Variants in GTF2E2 observed in about 807,000 individuals in gnomAD.
The protein encoded by GTF2E2 is transcription initiation factor IIE subunit beta.
In GTF2E2, 21 loss-of-function variants were observed where a neutral mutation model predicts 40.5. The observed-to-expected ratio is 0.52, with a 90% CI of 0.37 to 0.75. The LOEUF (loss-of-function observed/expected upper bound fraction) is 0.75, where lower values mean the gene tolerates loss of function less well. Ranked by LOEUF, GTF2E2 falls within the 30% of genes least tolerant of loss-of-function variation. The pLI, the probability that GTF2E2 is intolerant of heterozygous loss-of-function variation, is 0.00. For missense variants in GTF2E2, 298 were observed against 338.4 expected, an observed-to-expected ratio of 0.88 and a Z score of 0.94; for synonymous variants, 117 against 121.6, an observed-to-expected ratio of 0.96 and a Z score of 0.25.
At chr8:30,638,710 G>C (rs1801696172) in intron 2 of GTF2E2, 1 of 152,508 alleles carries the variant, frequency 6.6e-6, no homozygotes, top group Admixed American at 6.5e-5. Flanking sequence ...ATTTTACCCT[G>C]AAAAATCAAC....
chr8:30,583,209 C>G (rs535000198), intron 6 of GTF2E2, among the ~76,000 whole-genome samples: 2 of 152,168 alleles, frequency 1.3e-5, no homozygotes, highest in Admixed American at 1.3e-4. Flanking sequence ...CAGTGGGTAC[C>G]TGTAATCCCA....
At chr8:30,645,729 G>C in intron 2 of GTF2E2, 1 of 911,886 alleles carries the variant, frequency 1.1e-6, no homozygotes, top group East Asian at 2.7e-5. Context: ...AGTAGAAGGG[G>C]AAAAAAAAGT....
intron 6 of GTF2E2, among the ~76,000 whole-genome samples, chr8:30,599,289 AT>A (rs1241548929): frequency 6.6e-6 from 1 of 152,120 alleles, no homozygotes; most frequent in Non-Finnish European, 1.5e-5. Context: ...AAATAAATAA[AT>A]AACTGGCTGG....
chr8:30,655,081 G>A (rs1188468830), intron 1 of GTF2E2, among the ~76,000 whole-genome samples: 1 of 151,948 alleles, frequency 6.6e-6, no homozygotes, highest in Non-Finnish European at 1.5e-5. Flanking sequence ...CATACGTGTA[G>A]TCCGGGCTAC....
intron 6 of GTF2E2, among the ~76,000 whole-genome samples, chr8:30,598,960 C>A (rs572144956): frequency 1.2e-4 from 18 of 152,008 alleles, no homozygotes; most frequent in Non-Finnish European, 2.2e-4. Flanking sequence ...GAGTTCAAGA[C>A]CAGTCTGGGC....
chr8:30,612,536 T>C (rs1829507060), intron 4 of GTF2E2, 55 bp from the exon 5 acceptor site: 6 of 1,054,944 alleles, frequency 5.7e-6, no homozygotes, highest in South Asian at 1.8e-5. Context: ...AATATATATA[T>C]ATATTTTTGA....
At position 30,614,668 on chromosome 8, in the gene GTF2E2, A is replaced by C; in HGVS notation, c.306T>G (p.Ile102Met). ...GDTHPLTLDEILDETQHLDIG... is the reference protein window; with the variant it reads ...GDTHPLTLDEMLDETQHLDIG... ...TATCTAAATGTTGTGTTTCATCCAAAATTTCATCTAAGGTTAGAGGATGCG... is the reference window on the plus strand; with the variant it reads ...TATCTAAATGTTGTGTTTCATCCAACATTTCATCTAAGGTTAGAGGATGCG... The change falls in exon 4 of 8, where the codon ATT (isoleucine) becomes ATG (methionine). Residue 102 changes from isoleucine (I) to methionine (M), a missense_variant. By Grantham distance (10) the Ile-to-Met change is conservative. Transcript: ENST00000355904. The C allele has an allele frequency of 6.2e-7, 1 of 1,610,946 alleles. No homozygotes were observed. The highest frequency in any genetic ancestry group is 8.5e-7 in the Non-Finnish European group (1 of 1,177,504).
chr8:30,650,473 T>C (rs1802234921), intron 2 of GTF2E2, among the ~76,000 whole-genome samples: 1 of 143,380 alleles, frequency 7.0e-6, no homozygotes, highest in Admixed American at 7.1e-5. Context: ...ATGGATCCCT[T>C]GAAGCGGGGA....
intron 3 of GTF2E2, among the ~76,000 whole-genome samples, chr8:30,617,847 G>A (rs537074684): frequency 5.1e-4 from 77 of 152,120 alleles, no homozygotes; most frequent in Non-Finnish European, 9.4e-4. Flanking sequence ...CTTGAATGAC[G>A]ACATGATTAA....
Position 30,587,420 on chromosome 8 carries a change from G to GA in GTF2E2, c.644-7025dup, listed in dbSNP as rs909001938. Among the ~76,000 whole-genome samples the GA allele has an allele frequency of 2.1e-4, 25 of 120,748 alleles. No homozygotes were observed. The East Asian group carries it at 2.3e-3, about 11-fold the overall frequency. 79.2% of individuals were successfully genotyped at this position (120,748 alleles called of 152,430 possible). A position where few individuals can be genotyped will look rare whatever the true frequency, so the allele number is the denominator to read the frequency against. On this transcript the variant is annotated intron_variant, in intron 6 of 7. Coordinates refer to ENST00000355904, the MANE Select transcript of GTF2E2 (RefSeq NM_002095.6). Reference sequence around the variant, plus strand: ...AAAATGAGACGCTGCCTCTAAAAAAGAAAAAAAAATTATATATATTTTCCA... The same window carrying GA: ...AAAATGAGACGCTGCCTCTAAAAAAGAAAAAAAAAATTATATATATTTTCCA...
intron 2 of GTF2E2, chr8:30,638,451 A>C (rs1728584888): frequency 6.6e-6 from 1 of 152,344 alleles, no homozygotes; most frequent in Non-Finnish European, 1.5e-5. Flanking sequence ...GATACCCCAG[A>C]CAGCTCTATT....
chr8:30,606,677 TAAGAG>T (rs1374889620), intron 6 of GTF2E2, among the ~76,000 whole-genome samples: 1 of 152,162 alleles, frequency 6.6e-6, no homozygotes, highest in African/African-American at 2.4e-5. Flanking sequence ...ATTCATAAGA[TAAGAG>T]AACACTATTC....
chr8:30,599,565 C>T (rs1236743250), intron 6 of GTF2E2, among the ~76,000 whole-genome samples: 18 of 127,216 alleles, frequency 1.4e-4, no homozygotes, highest in Non-Finnish European at 2.2e-4. Context: ...GGCAACAGAG[C>T]GAGAGTTTGT....
chr8:30,642,217 T>C (rs1219124964), intron 2 of GTF2E2, among the ~76,000 whole-genome samples: 2 of 151,614 alleles, frequency 1.3e-5, no homozygotes, highest in Non-Finnish European at 2.9e-5. Context: ...TAAGTCAATA[T>C]TGACAGCTGA....
At chr8:30,609,472 A>C (rs879687624) in intron 5 of GTF2E2, among the ~76,000 whole-genome samples, 2 of 152,100 alleles carry the variant, frequency 1.3e-5, no homozygotes, top group Non-Finnish European at 2.9e-5. Flanking sequence ...AAATGAAAGA[A>C]CCTGAAGGCA....
chr8:30,593,037 T>G (rs2151113431), intron 6 of GTF2E2, among the ~76,000 whole-genome samples: 1 of 152,090 alleles, frequency 6.6e-6, no homozygotes, highest in African/African-American at 2.4e-5. Flanking sequence ...CTACTAAAAA[T>G]ACAAAAATTA....
chr8:30,624,021 T>C (rs1801192537), intron 3 of GTF2E2, among the ~76,000 whole-genome samples: 1 of 152,120 alleles, frequency 6.6e-6, no homozygotes, highest in African/African-American at 2.4e-5. Flanking sequence ...TTTAATTAGA[T>C]CCCATTTGTC....
intron 6 of GTF2E2, among the ~76,000 whole-genome samples, chr8:30,587,547 G>T (rs147219513): frequency 5.3e-5 from 8 of 150,802 alleles, no homozygotes; most frequent in African/African-American, 1.9e-4. Context: ...ATCCTGAAAT[G>T]TCAGAAATAT....
intron 6 of GTF2E2, among the ~76,000 whole-genome samples, chr8:30,587,326 T>C (rs143690055): frequency 6.6e-6 from 1 of 152,184 alleles, no homozygotes; most frequent in African/African-American, 2.4e-5. Context: ...GATGACAGGA[T>C]CACTTCAGCC....
Sources: allele counts gnomAD v4.1 joint callset (sites outside exome capture counted in the v4.1 genomes callset), GRCh38; gene constraint gnomAD v4.1.1; transcripts MANE v1.5; gene names NCBI Gene and HGNC (gene_info 2026-07-23, HGNC 2026-07-21).